MRPS11: variants seen among roughly 807,000 people sequenced by gnomAD.
The protein encoded by MRPS11 is mitochondrial ribosomal protein S11, also known as small ribosomal subunit protein uS11m.
A neutral mutation model predicts 24.3 loss-of-function variants in MRPS11; 27 were observed. That is an observed-to-expected ratio of 1.11 (90% confidence interval 0.82 to 1.53). The LOEUF (loss-of-function observed/expected upper bound fraction) is 1.53. Among genes scored for constraint, MRPS11 ranks in the 40% most tolerant of loss-of-function variants. MRPS11 has a pLI of 0.00. For synonymous variants in MRPS11, 104 were observed against 98.7 expected (o/e 1.05, Z -0.32); for missense variants, 277 against 256.5 (o/e 1.08, Z -0.55).
Position 88,475,150 on chromosome 15 carries a change from GC to G in MRPS11, c.324del (p.Phe109LeufsTer25). 6.2e-7 allele frequency: 1 copy of G among 1,614,218 alleles called. No individual in the cohort carries two copies. ...AGTCTCTGCTAGTAATGAGCCCCTT[GC>G]CTTTGCTTCCTGTGGCACAGAGGGA... ...QVVSASNEPL[A>X]FASCGTEGFR... is the part of the protein sequence containing the mutation. On this transcript the variant is annotated frameshift_variant, in exon 4 of 6. Transcript: ENST00000325844. LOFTEE classifies it high-confidence loss of function. This position sits in a 1 kb window ranked among gnomAD's most constrained non-coding sequence, Gnocchi z 4.1.
In MRPS11 at chr15:88,478,015, C is replaced by A. The variant is rs1372662603; in HGVS notation, c.*36C>A. 2 of 1,540,254 alleles carry A rather than the reference C, an allele frequency of 1.3e-6. No homozygotes were observed. Among genetic ancestry groups the A allele is most frequent in the Non-Finnish European group, 1.8e-6 (2 of 1,112,766 alleles). ...GCCTGCACTTGGACCTGACCTCAAG[C>A]CTCAGCTCCAGTGGGACCTTGTAAA... On this transcript the variant is annotated 3_prime_UTR_variant, in exon 6 of 6. Coordinates refer to ENST00000325844, the MANE Select transcript of MRPS11 (RefSeq NM_022839.5). This position sits in a 1 kb window ranked among gnomAD's most constrained non-coding sequence, Gnocchi z 4.7.
intron 2 of MRPS11, chr15:88,468,716 T>G (rs2055611339): frequency 5.3e-6 from 1 of 189,578 alleles, no homozygotes; most frequent in South Asian, 1.8e-4. Flanking sequence ...AAATCATAAG[T>G]GTCTAACTCC....
rs542138382 is a variant in MRPS11, at chr15:88,478,657, C to T, written c.*678C>T. ...TGGGCTTCAGCAGTCCCAGCACTAA[C>T]GAGAGAGTGCCCTAAAAGCGGGGAG... On this transcript the variant is annotated 3_prime_UTR_variant, in exon 6 of 6. Coordinates refer to ENST00000325844, the MANE Select transcript of MRPS11 (RefSeq NM_022839.5). The surrounding 1 kb of genome is among the most constrained non-coding windows in gnomAD (Gnocchi z 4.7). The T allele has an allele frequency of 1.3e-5, 2 of 152,400 alleles. No homozygotes were observed. Among genetic ancestry groups the T allele is most frequent in the African/African-American group, 4.8e-5 (2 of 41,418 alleles). 9.4% of individuals were successfully genotyped at this position (152,400 alleles called of 1,614,324 possible). A position where few individuals can be genotyped will look rare whatever the true frequency, so the allele number is the denominator to read the frequency against.
chr15:88,472,264 A>G (rs1161797630), intron 2 of MRPS11: 1 of 182,452 alleles, frequency 5.5e-6, no homozygotes, highest in Non-Finnish European at 1.1e-5. Context: ...GGTTGATGAA[A>G]TAAGAAACAG....
rs1427846371 is a variant in MRPS11 at position 88,477,786 on chromosome 15, C to T, written c.478-86C>T. ...CCCTCCGTTCCCTTCTCTACGCCAC[C>T]CTGTCCCTCTCCGAACCCTGCCTGG... is the stretch of plus-strand genomic sequence containing the variant. On this transcript the variant is annotated intron_variant, in intron 5 of 5. Coordinates refer to ENST00000325844, the MANE Select transcript of MRPS11 (RefSeq NM_022839.5). This position sits in a 1 kb window ranked among gnomAD's most constrained non-coding sequence, Gnocchi z 5.7. 9 of 1,174,578 alleles carry T rather than the reference C, an allele frequency of 7.7e-6. No individual in the cohort carries two copies. The Middle Eastern group carries it at 5.7e-4, about 74-fold the overall frequency. The allele number at this position is 1,174,578 out of a possible 1,614,324, so 72.8% of individuals were successfully genotyped here.
rs562526842 is a variant in MRPS11 at position 88,477,795 on chromosome 15, C to G, written c.478-77C>G. On this transcript the variant is annotated intron_variant, in intron 5 of 5. Transcript: ENST00000325844. The surrounding 1 kb of genome is among the most constrained non-coding windows in gnomAD (Gnocchi z 5.7). Reference sequence around the variant, plus strand: ...CCCTTCTCTACGCCACCCTGTCCCTCTCCGAACCCTGCCTGGAGACACTGG... The same window carrying G: ...CCCTTCTCTACGCCACCCTGTCCCTGTCCGAACCCTGCCTGGAGACACTGG... 1.0e-4 allele frequency: 140 copies of G among 1,342,630 alleles called. 3 individuals are homozygous for G. The South Asian group carries it at 1.6e-3, about 15-fold the overall frequency. 83.2% of individuals were successfully genotyped at this position (1,342,630 alleles called of 1,614,324 possible).
At position 88,475,036 on chromosome 15, in the gene MRPS11, A is replaced by T; in HGVS notation, c.282-74A>T. On this transcript the variant is annotated intron_variant, in intron 3 of 5. Transcript: ENST00000325844. This position sits in a 1 kb window ranked among gnomAD's most constrained non-coding sequence, Gnocchi z 4.1. ...CTTTTTCTTTCTCACCCAGGCTTCT[A>T]GGGGCATAGATTAGCTCTCTCTTAT... 6.4e-7 allele frequency: 1 copy of T among 1,553,054 alleles called. No homozygotes were observed. Among genetic ancestry groups the T allele is most frequent in the Non-Finnish European group, 8.7e-7 (1 of 1,143,682 alleles).
chr15:88,468,462 T>C, intron 2 of MRPS11: 2 of 1,017,942 alleles, frequency 2.0e-6, no homozygotes, highest in South Asian at 3.8e-5. Flanking sequence ...GGCATCTTGC[T>C]TCCCACCAGT....
In MRPS11 at chr15:88,467,957, C is replaced by G. The variant is rs1409200709; in HGVS notation, c.115C>G (p.Gln39Glu). 1.9e-6 allele frequency: 3 copies of G among 1,613,084 alleles called. No individual in the cohort carries two copies. Among genetic ancestry groups the G allele is most frequent in the Non-Finnish European group, 2.5e-6 (3 of 1,179,888 alleles). ...CGGGACCATCTGCACAGGCGCTCGA[C>G]AGCTCCAAGACGCTGCGGCCAAGCA... is the stretch of plus-strand genomic sequence containing the variant. ...PAGTICTGAR[Q>E]LQDAAAKQKV... The change falls in exon 2 of 6, where the codon CAG becomes GAG. Residue 39 changes from glutamine (Q) to glutamate (E), a missense_variant. Physicochemically the swap from Gln to Glu is conservative, Grantham distance 29. Transcript: ENST00000325844.
chr15:88,468,526 C>T, intron 2 of MRPS11: 1 of 988,786 alleles, frequency 1.0e-6, no homozygotes, highest in Non-Finnish European at 1.2e-6. Context: ...ATCCATTTAA[C>T]AAACATTTAC....
rs1376395652 is a variant in MRPS11, at chr15:88,477,695, G to A, written c.478-177G>A. Among the ~76,000 whole-genome samples, 1 of 152,176 alleles carries A rather than the reference G, an allele frequency of 6.6e-6. No homozygotes were observed. Among genetic ancestry groups the A allele is most frequent in the East Asian group, 1.9e-4 (1 of 5,188 alleles). On this transcript the variant is annotated intron_variant, in intron 5 of 5. Transcript: ENST00000325844. This position sits in a 1 kb window ranked among gnomAD's most constrained non-coding sequence, Gnocchi z 5.7. ...GTGAAAACCTGGTTAAAGGGTTTGG[G>A]TGGAGACCTTTGTGAGAGTAGAATA...
At chr15:88,467,811 C>G in intron 1 of MRPS11, 29 bp downstream of exon 1, 1 of 1,613,924 alleles carries the variant, frequency 6.2e-7, no homozygotes, top group Non-Finnish European at 8.5e-7. Context: ...CTCGAGCCCA[C>G]CGCCACCTCC....
chr15:88,472,645 A>G lies in MRPS11; in HGVS notation c.201A>G (p.Pro67=), dbSNP rs1322633361. ...HTKFSIYPPI[P]GEESSLRWAG... ...ATTGCAGCATTTACCCTCCCATTCCAGGAGAGGAGAGCTCTCTGAGGTGGG... is the reference window on the plus strand; with the variant it reads ...ATTGCAGCATTTACCCTCCCATTCCGGGAGAGGAGAGCTCTCTGAGGTGGG... Residue 67 remains proline (P), a synonymous_variant, in exon 3 of 6, where the codon CCA becomes CCG. Coordinates refer to ENST00000325844, the MANE Select transcript of MRPS11 (RefSeq NM_022839.5). The G allele has an allele frequency of 6.2e-7, 1 of 1,613,792 alleles. No individual in the cohort carries two copies. The highest frequency in any genetic ancestry group is 8.5e-7 in the Non-Finnish European group (1 of 1,179,834).
At chr15:88,474,930 A>G in intron 3 of MRPS11, 180 bp from the exon 4 acceptor site, 1 of 655,424 alleles carries the variant, frequency 1.5e-6, no homozygotes, top group South Asian at 2.2e-5. Flanking sequence ...TTTAGGGGAG[A>G]ATTCTGACCT....
intron 2 of MRPS11, 142 bp downstream of exon 2, chr15:88,468,166 C>A (rs1171978064): frequency 6.9e-7 from 1 of 1,453,274 alleles, no homozygotes; most frequent in African/African-American, 1.4e-5. Context: ...GAGCCTCAGC[C>A]TTCTCATCTA....
intron 2 of MRPS11, chr15:88,468,410 A>G: frequency 9.2e-7 from 1 of 1,091,368 alleles, no homozygotes; most frequent in Non-Finnish European, 1.1e-6. Context: ...TGCACGTCTT[A>G]CGGATGGTCC....
In MRPS11 at chr15:88,472,864, C is replaced by T. The variant is rs1166897408; in HGVS notation, c.281+139C>T. 14 of 578,866 alleles carry T rather than the reference C, an allele frequency of 2.4e-5. No individual in the cohort carries two copies. In the Admixed American group the frequency reaches 3.7e-4, roughly 15 times the overall value. The allele number at this position is 578,866 out of a possible 1,614,324, so 35.9% of individuals were successfully genotyped here. On this transcript the variant is annotated intron_variant, in intron 3 of 5. Transcript: ENST00000325844. ...GCATGATGGCGCTAATGTAGGGCAC[C>T]GTCTTCCTCCTCACTTGAGGAACCA...
Position 88,475,905 on chromosome 15 carries a change from C to T in MRPS11, c.411+666C>T, listed in dbSNP as rs1395022194. On this transcript the variant is annotated intron_variant, in intron 4 of 5. Transcript: ENST00000325844. This position sits in a 1 kb window ranked among gnomAD's most constrained non-coding sequence, Gnocchi z 4.1. ...CCAGGAGGTGGAGGTTGCAGTGACTCGAGATCACACCACTGCACTCCAGCC... is the reference window on the plus strand; with the variant it reads ...CCAGGAGGTGGAGGTTGCAGTGACTTGAGATCACACCACTGCACTCCAGCC... 4.0e-5 allele frequency among the ~76,000 whole-genome samples: 6 copies of T among 151,784 alleles called. No individual in the cohort carries two copies. Among genetic ancestry groups the T allele is most frequent in the South Asian group, 4.2e-4 (2 of 4,800 alleles).
intron 2 of MRPS11, chr15:88,468,299 T>TTCTTTTCTTCTGAGATGGAGA (rs2055599284): frequency 2.4e-6 from 3 of 1,227,162 alleles, no homozygotes; most frequent in Non-Finnish European, 3.1e-6. Flanking sequence ...TGTATCAGCG[T>TTCTTTTCTTCTGAGATGGAGA]TCTTTTCTTC....
Sources: gnomAD v4.1 joint callset for allele counts (sites outside exome capture counted in the v4.1 genomes callset) on GRCh38, gnomAD v4.1.1 for gene constraint, Gnocchi (gnomAD v3.1) non-coding constraint, MANE v1.5 for transcripts, NCBI Gene and HGNC (gene_info 2026-07-23, HGNC 2026-07-21) for gene names.